HYDIN: variants seen among roughly 807,000 people sequenced by gnomAD.
HYDIN encodes axonemal central pair apparatus protein HYDIN.
HYDIN carries 132 observed loss-of-function variants against 403.9 expected under a neutral mutation model. The ratio of observed to expected loss-of-function variants is 0.33; its 90% CI spans 0.28 to 0.38. The LOEUF is 0.38. Among genes scored for constraint, HYDIN ranks in the 10% least tolerant of loss-of-function variants. HYDIN has a pLI of 1.00. For missense variants in HYDIN, 2,827 were observed against 5,009.5 expected, an observed-to-expected ratio of 0.56 and a Z score of 13.15; for synonymous variants, 1,202 against 1,891.7, an observed-to-expected ratio of 0.64 and a Z score of 9.46.
intron 18 of HYDIN, among the ~76,000 whole-genome samples, chr16:71,036,038 G>A (rs562810978): frequency 1.7e-4 from 26 of 151,988 alleles, no homozygotes; most frequent in African/African-American, 5.8e-4. Flanking sequence ...TGAGTGTGCC[G>A]AGCTGCTAGC....
intron 1 of HYDIN, among the ~76,000 whole-genome samples, chr16:71,203,230 G>T (rs2088114056): frequency 6.6e-6 from 1 of 152,190 alleles, no homozygotes; most frequent in Non-Finnish European, 1.5e-5. Context: ...CAAACTTTGA[G>T]ACCCTGATGT....
At chr16:71,162,041 T>C in intron 6 of HYDIN, among the ~76,000 whole-genome samples, 1 of 85,858 alleles carries the variant, frequency 1.2e-5, no homozygotes, top group East Asian at 4.0e-4. Context: ...GGCAAAGAAA[T>C]GTACTCTCCC....
At chr16:71,218,407 C>A (rs2089003711) in intron 1 of HYDIN, among the ~76,000 whole-genome samples, 3 of 152,146 alleles carry the variant, frequency 2.0e-5, no homozygotes, top group Admixed American at 6.5e-5. Flanking sequence ...CCACACAGAA[C>A]CTTTCTTCTG....
chr16:71,168,602 T>G (rs1355150043), intron 5 of HYDIN, among the ~76,000 whole-genome samples: 1 of 151,788 alleles, frequency 6.6e-6, no homozygotes, highest in Non-Finnish European at 1.5e-5. Flanking sequence ...GAGACTCAAA[T>G]TCCTAAATTC....
intron 10 of HYDIN, chr16:71,114,007 G>A (rs927216023): frequency 3.3e-5 from 5 of 149,938 alleles, no homozygotes; most frequent in African/African-American, 1.2e-4. Flanking sequence ...TCTTGGCCCT[G>A]ATATCATAGA....
At chr16:71,084,857 A>G (rs2082887504) in intron 12 of HYDIN, among the ~76,000 whole-genome samples, 1 of 151,524 alleles carries the variant, frequency 6.6e-6, no homozygotes, top group Non-Finnish European at 1.5e-5. Context: ...TGAAATAATC[A>G]TGTGGTTTTT....
At chr16:70,946,306 A>G (rs1230539340) in intron 41 of HYDIN, among the ~76,000 whole-genome samples, 2 of 143,556 alleles carry the variant, frequency 1.4e-5, no homozygotes, top group Non-Finnish European at 3.0e-5. Context: ...AATAGAGATC[A>G]TCGGCTGAGA....
chr16:70,863,534 A>G (rs2039541658), intron 67 of HYDIN, among the ~76,000 whole-genome samples: 1 of 152,144 alleles, frequency 6.6e-6, no homozygotes, highest in Non-Finnish European at 1.5e-5. Context: ...CACCTCCCTC[A>G]GGAACAAATT....
chr16:70,976,453 C>T (rs2174409), intron 30 of HYDIN, among the ~76,000 whole-genome samples: 201 of 146,924 alleles, frequency 1.4e-3, no homozygotes, highest in African/African-American at 5.1e-3. Flanking sequence ...TGGAATAGTT[C>T]TGGATCTTAA....
At chr16:70,950,792 C>T (rs1422083334) in intron 41 of HYDIN, among the ~76,000 whole-genome samples, 5 of 152,206 alleles carry the variant, frequency 3.3e-5, no homozygotes, top group Non-Finnish European at 7.3e-5. Context: ...ATGTTCTCTT[C>T]TTAATTCCTT....
intron 36 of HYDIN, among the ~76,000 whole-genome samples, chr16:70,967,916 G>A (rs2078629167): frequency 6.6e-6 from 1 of 151,878 alleles, no homozygotes; most frequent in South Asian, 2.1e-4. Flanking sequence ...AAATTGATAA[G>A]TAAGTTTATA....
intron 45 of HYDIN, among the ~76,000 whole-genome samples, chr16:70,924,053 T>C (rs1309425466): frequency 2.0e-5 from 3 of 149,840 alleles, no homozygotes; most frequent in African/African-American, 7.4e-5. Flanking sequence ...GTTAAAAAGA[T>C]AGTAAGACAA....
chr16:71,036,166 A>T (rs570612034), intron 18 of HYDIN, among the ~76,000 whole-genome samples: 15 of 151,882 alleles, frequency 9.9e-5, no homozygotes, highest in African/African-American at 3.6e-4. Flanking sequence ...CAGAACACAG[A>T]TCCTATGGGA....
chr16:70,824,079 AGGAGTATAAAAT>A (rs1226430991), intron 83 of HYDIN, among the ~76,000 whole-genome samples: 1 of 151,886 alleles, frequency 6.6e-6, no homozygotes, highest in South Asian at 2.1e-4. Flanking sequence ...TTATAGTGGG[AGGAGTATAAAAT>A]GGAGTATTAT....
At chr16:70,820,377 G>A (rs12103255) in intron 83 of HYDIN, among the ~76,000 whole-genome samples, 4 of 148,596 alleles carry the variant, frequency 2.7e-5, no homozygotes, top group Admixed American at 2.0e-4. Context: ...GTTTTTAGTA[G>A]AGATGGGGTT....
chr16:71,162,627 T>C lies in HYDIN; in HGVS notation c.620A>G (p.Asn207Ser). Residue 207 changes from asparagine (N) to serine (S), a missense_variant, in exon 6 of 86, where the codon AAT (asparagine) becomes AGT (serine). Coordinates refer to ENST00000393567, the MANE Select transcript of HYDIN (RefSeq NM_001270974.2). ...GTATTTGACAGGACAAGTGGAAAAATTCAGCTTGTCAGGAAAATCGAGAAT... is the reference window on the plus strand; with the variant it reads ...GTATTTGACAGGACAAGTGGAAAAACTCAGCTTGTCAGGAAAATCGAGAAT... ...RAILDFPDKL[N>S]FSTCPVKYST... The C allele has an allele frequency of 1.1e-6, 1 of 929,284 alleles. No individual in the cohort carries two copies. The highest frequency in any genetic ancestry group is 1.8e-6 in the Non-Finnish European group (1 of 559,682). The allele number at this position is 929,284 out of a possible 1,614,324, so 57.6% of individuals were successfully genotyped here.
chr16:71,087,292 G>C (rs986700623), intron 12 of HYDIN, among the ~76,000 whole-genome samples: 2 of 152,120 alleles, frequency 1.3e-5, no homozygotes, highest in Non-Finnish European at 2.9e-5. Flanking sequence ...TTCTGTTGCT[G>C]TCAGAAGGGT....
intron 15 of HYDIN, among the ~76,000 whole-genome samples, chr16:71,065,908 T>C (rs574587772): frequency 6.6e-6 from 1 of 152,270 alleles, no homozygotes; most frequent in African/African-American, 2.4e-5. Flanking sequence ...ACACCAAAAA[T>C]AAGGACATGA....
At chr16:71,184,139 G>A (rs1195882032) in intron 3 of HYDIN, among the ~76,000 whole-genome samples, 2 of 152,042 alleles carry the variant, frequency 1.3e-5, no homozygotes, top group African/African-American at 4.8e-5. Context: ...CAGCAGACAA[G>A]CCTCAAAGAC....
Sources: gnomAD v4.1 joint callset for allele counts (sites outside exome capture counted in the v4.1 genomes callset) on GRCh38, gnomAD v4.1.1 for gene constraint, MANE v1.5 for transcripts, NCBI Gene and HGNC (gene_info 2026-07-23, HGNC 2026-07-21) for gene names.